Variants in CDH13 observed in about 807,000 individuals in gnomAD.
The protein encoded by CDH13 is cadherin 13, also known as cadherin-13.
CDH13 carries 24 observed loss-of-function variants against 63.8 expected under a neutral mutation model. The ratio of observed to expected loss-of-function variants is 0.38; its 90% CI spans 0.27 to 0.53. The LOEUF (loss-of-function observed/expected upper bound fraction) is 0.53, where lower values mean the gene tolerates loss of function less well. CDH13 is among the 20% of genes least tolerant of loss of function. The pLI is 0.85. For missense variants in CDH13, 1,049 were observed against 903.1 expected (o/e 1.16, Z -2.07); for synonymous variants, 503 against 355.3 (o/e 1.42, Z -4.67).
chr16:83,266,179 C>G (rs1333750436), intron 5 of CDH13, among the ~76,000 whole-genome samples: 3 of 152,082 alleles, frequency 2.0e-5, no homozygotes. Context: ...CTCAAGTGAT[C>G]AACCCACCTC....
chr16:83,432,349 A>G (rs1290364065), intron 6 of CDH13, among the ~76,000 whole-genome samples: 2 of 152,148 alleles, frequency 1.3e-5, no homozygotes, highest in African/African-American at 4.8e-5. Flanking sequence ...GTCATCCTAT[A>G]ATCTACCCCA....
chr16:83,534,822 G>A (rs933945030), intron 7 of CDH13, among the ~76,000 whole-genome samples: 2 of 152,200 alleles, frequency 1.3e-5, no homozygotes, highest in Non-Finnish European at 2.9e-5. Context: ...ATGTGAATTA[G>A]CAGTGCGTAT....
intron 3 of CDH13, among the ~76,000 whole-genome samples, chr16:83,060,701 A>T (rs941572944): frequency 1.3e-5 from 2 of 152,170 alleles, no homozygotes; most frequent in Non-Finnish European, 2.9e-5. Flanking sequence ...CACTGTGCAA[A>T]TACATCTCAG....
intron 6 of CDH13, among the ~76,000 whole-genome samples, chr16:83,392,989 G>C (rs2091817624): frequency 6.6e-6 from 1 of 152,048 alleles, no homozygotes; most frequent in Non-Finnish European, 1.5e-5. Flanking sequence ...GAGGGTGATG[G>C]GGTGTGGGTG....
At chr16:82,655,578 G>GA (rs1203940698) in intron 1 of CDH13, among the ~76,000 whole-genome samples, 1 of 152,036 alleles carries the variant, frequency 6.6e-6, no homozygotes, top group Non-Finnish European at 1.5e-5. Context: ...AGAGTGATGG[G>GA]AAACCACTGG....
chr16:83,744,949 C>G (rs1912431403), intron 10 of CDH13, among the ~76,000 whole-genome samples: 1 of 152,196 alleles, frequency 6.6e-6, no homozygotes. Context: ...GGCCTTGGCA[C>G]CAGAGATCCA....
intron 7 of CDH13, among the ~76,000 whole-genome samples, chr16:83,513,431 ATTAG>A (rs1029541895): frequency 6.6e-6 from 1 of 152,174 alleles, no homozygotes; most frequent in African/African-American, 2.4e-5. Context: ...TAGTTAGCAT[ATTAG>A]TTTGTTCTCA....
intron 3 of CDH13, among the ~76,000 whole-genome samples, chr16:83,102,413 G>A (rs529482909): frequency 1.3e-5 from 2 of 152,340 alleles, no homozygotes; most frequent in South Asian, 4.2e-4. Context: ...GCTCTGAAGT[G>A]GGGGTGGGTC....
intron 6 of CDH13, among the ~76,000 whole-genome samples, chr16:83,348,100 G>A (rs1030283815): frequency 6.6e-6 from 1 of 152,172 alleles, no homozygotes; most frequent in Non-Finnish European, 1.5e-5. Flanking sequence ...TGAGGCAGGA[G>A]AATTGCTTGA....
intron 1 of CDH13, among the ~76,000 whole-genome samples, chr16:82,818,326 G>T (rs1469419604): frequency 1.3e-5 from 2 of 152,046 alleles, no homozygotes; most frequent in African/African-American, 2.4e-5. Flanking sequence ...TCAAACTAAG[G>T]ACTAAAAGAT....
intron 2 of CDH13, among the ~76,000 whole-genome samples, chr16:82,863,125 A>G (rs1276267886): frequency 6.6e-6 from 1 of 152,216 alleles, no homozygotes; most frequent in Non-Finnish European, 1.5e-5. Flanking sequence ...AGATCCTAAC[A>G]AAATGATGTC....
At chr16:83,569,433 G>T (rs1181166519) in intron 7 of CDH13, among the ~76,000 whole-genome samples, 1 of 152,218 alleles carries the variant, frequency 6.6e-6, no homozygotes, top group Non-Finnish European at 1.5e-5. Flanking sequence ...TAGACAATTT[G>T]CAGTGGATAC....
At chr16:82,729,694 A>G (rs983106946) in intron 1 of CDH13, among the ~76,000 whole-genome samples, 4 of 152,192 alleles carry the variant, frequency 2.6e-5, no homozygotes, top group Admixed American at 2.6e-4. Context: ...TTAGCCCCTA[A>G]CAAGAGAGTC....
chr16:83,682,926 C>A (rs1029109131), intron 10 of CDH13, among the ~76,000 whole-genome samples: 5 of 152,206 alleles, frequency 3.3e-5, no homozygotes, highest in Non-Finnish European at 7.3e-5. Flanking sequence ...GAAGCCTTCT[C>A]CCCAACCCCA....
chr16:83,452,222 G>A (rs1268613734), intron 6 of CDH13, among the ~76,000 whole-genome samples: 1 of 152,230 alleles, frequency 6.6e-6, no homozygotes, highest in Admixed American at 6.5e-5. Flanking sequence ...GTGACAGTCG[G>A]TAGTATGTCA....
intron 10 of CDH13, among the ~76,000 whole-genome samples, chr16:83,723,967 G>T (rs1374001950): frequency 6.6e-6 from 1 of 152,230 alleles, no homozygotes; most frequent in Non-Finnish European, 1.5e-5. Flanking sequence ...GCCTGGGTGG[G>T]TGATGAATGC....
chr16:82,982,569 G>A (rs969839802), intron 2 of CDH13, among the ~76,000 whole-genome samples: 2 of 152,266 alleles, frequency 1.3e-5, no homozygotes, highest in South Asian at 2.1e-4. Flanking sequence ...GTTCTATGTG[G>A]AAGATTTTTT....
At chr16:83,572,496 C>A (rs544828751) in intron 7 of CDH13, among the ~76,000 whole-genome samples, 2 of 152,266 alleles carry the variant, frequency 1.3e-5, no homozygotes, top group Non-Finnish European at 2.9e-5. Flanking sequence ...CCTCCTGGAC[C>A]ATCTCGTCTC....
At chr16:83,600,978 G>A (rs1370043117) in intron 7 of CDH13, among the ~76,000 whole-genome samples, 1 of 152,014 alleles carries the variant, frequency 6.6e-6, no homozygotes, top group East Asian at 1.9e-4. Context: ...GACTCCTCTA[G>A]CTCCCCCTGC....
Sources: allele counts gnomAD v4.1 joint callset (sites outside exome capture counted in the v4.1 genomes callset), GRCh38; gene constraint gnomAD v4.1.1; transcripts MANE v1.5; gene names NCBI Gene and HGNC (gene_info 2026-07-23, HGNC 2026-07-21).